The following ATP9A variants were observed in gnomAD, a reference collection of about 807,000 sequenced individuals.
ATP9A encodes probable phospholipid-transporting ATPase IIA.
In ATP9A, 52 loss-of-function variants were observed where a neutral mutation model predicts 144.1. That is an observed-to-expected ratio of 0.36 (90% CI 0.29 to 0.45). The LOEUF (loss-of-function observed/expected upper bound fraction) is 0.45, where lower values mean the gene tolerates loss of function less well. Among genes scored for constraint, ATP9A ranks in the 20% least tolerant of loss-of-function variants. The pLI, the probability that ATP9A is intolerant of heterozygous loss-of-function variation, is 1.00. For missense variants in ATP9A, 947 were observed against 1,392.7 expected, an observed-to-expected ratio of 0.68 and a Z score of 5.09; for synonymous variants, 582 against 557.4, an observed-to-expected ratio of 1.04 and a Z score of -0.62.
rs1030593856 is a variant in ATP9A at position 51,666,678 on chromosome 20, TTA to T, written c.1293+3317_1293+3318del. ...CTGGGCAACAGAGTGAGACTGTGTC[TTA>T]AAAAAAAAAAAAAAAGAAAGAAAGA... On this transcript the variant is annotated intron_variant, in intron 13 of 27. Coordinates refer to ENST00000338821, the MANE Select transcript of ATP9A (RefSeq NM_006045.3). 7.3e-4 allele frequency among the ~76,000 whole-genome samples: 62 copies of T among 84,620 alleles called. 1 individual carries two copies. The East Asian group carries it at 8.8e-3, about 12-fold the overall frequency. The allele number at this position is 84,620 out of a possible 152,430, so 55.5% of individuals were successfully genotyped here.
intron 22 of ATP9A, among the ~76,000 whole-genome samples, chr20:51,616,609 G>A (rs555923890): frequency 1.1e-4 from 16 of 151,674 alleles, no homozygotes; most frequent in African/African-American, 3.6e-4. Context: ...GTGAGCCACC[G>A]CTTCCAGCCC....
rs375822084 is a variant in ATP9A, at chr20:51,737,910, T to C, written c.69-7932A>G. Among the ~76,000 whole-genome samples, 18 of 152,250 alleles carry C rather than the reference T, an allele frequency of 1.2e-4. 2 individuals carry two copies. Among genetic ancestry groups the C allele is most frequent in the Admixed American group, 2.0e-4 (3 of 15,282 alleles). On this transcript the variant is annotated intron_variant, in intron 1 of 27. Transcript: ENST00000338821. ...AGATCTATATCCTATCTATATGCTATACTCTATATCCTAAGTATCTATAAT... is the reference window on the plus strand; with the variant it reads ...AGATCTATATCCTATCTATATGCTACACTCTATATCCTAAGTATCTATAAT...
chr20:51,752,021 C>A (rs1432843314), intron 1 of ATP9A, among the ~76,000 whole-genome samples: 5 of 149,104 alleles, frequency 3.4e-5, no homozygotes, highest in Non-Finnish European at 5.9e-5. Context: ...ACAGAGCCTA[C>A]ATTTTGTAGG....
intron 3 of ATP9A, among the ~76,000 whole-genome samples, chr20:51,720,284 T>C (rs1408719242): frequency 1.3e-5 from 2 of 152,228 alleles, no homozygotes; most frequent in Non-Finnish European, 1.5e-5. Flanking sequence ...TTTATATACA[T>C]TGTAGACCAA....
chr20:51,750,151 G>A (rs570587014), intron 1 of ATP9A, among the ~76,000 whole-genome samples: 5 of 152,156 alleles, frequency 3.3e-5, no homozygotes, highest in African/African-American at 1.2e-4. Context: ...GCAAGACTCC[G>A]TCTCCAAAAT....
chr20:51,643,225 G>A (rs894823325), intron 14 of ATP9A, among the ~76,000 whole-genome samples: 3 of 152,196 alleles, frequency 2.0e-5, no homozygotes, highest in African/African-American at 7.2e-5. Flanking sequence ...GGAAGAAACT[G>A]TCATACTGAC....
At chr20:51,706,763 G>C (rs13040391) in intron 4 of ATP9A, among the ~76,000 whole-genome samples, 8,489 of 152,222 alleles carry the variant, frequency 0.056, 424 homozygotes, top group African/African-American at 0.13. Flanking sequence ...AATAAAGAAC[G>C]AAAAGAAACT....
chr20:51,625,463 A>G, intron 17 of ATP9A, 101 bp from the exon 18 acceptor site: 8 of 1,333,250 alleles, frequency 6.0e-6, no homozygotes, highest in African/African-American at 1.5e-5. Context: ...TCCCCACCAC[A>G]CGGGGTGGGG....
At chr20:51,656,405 T>C (rs1271525631) in intron 14 of ATP9A, among the ~76,000 whole-genome samples, 1 of 151,896 alleles carries the variant, frequency 6.6e-6, no homozygotes, top group African/African-American at 2.4e-5. Flanking sequence ...TACAAAAAAT[T>C]AGCCGGGCAT....
intron 10 of ATP9A, 110 bp downstream of exon 10, chr20:51,676,022 T>C (rs943004774): frequency 1.3e-6 from 1 of 759,560 alleles, no homozygotes; most frequent in African/African-American, 1.8e-5. Flanking sequence ...AAAGATAAAA[T>C]GTCTGTATAA....
At chr20:51,655,603 C>T (rs1472430437) in intron 14 of ATP9A, among the ~76,000 whole-genome samples, 2 of 152,128 alleles carry the variant, frequency 1.3e-5, no homozygotes, top group African/African-American at 2.4e-5. Context: ...CTGACTAGAA[C>T]GTCCAGAATC....
Position 51,600,248 on chromosome 20 carries a change from C to A in ATP9A, c.*963G>T, listed in dbSNP as rs1169105610. ...ACAGGCTTCTATGGAAGAGAAGAGTCCCAGCCCCCTGACCTTTCCGCTTTG... is the reference window on the plus strand; with the variant it reads ...ACAGGCTTCTATGGAAGAGAAGAGTACCAGCCCCCTGACCTTTCCGCTTTG... On this transcript the variant is annotated 3_prime_UTR_variant, in exon 28 of 28. Transcript: ENST00000338821. 1 of 152,226 alleles carries A rather than the reference C, an allele frequency of 6.6e-6. No homozygotes were observed. The highest frequency in any genetic ancestry group is 1.9e-4 in the East Asian group (1 of 5,200). 9.4% of individuals were successfully genotyped at this position (152,226 alleles called of 1,614,324 possible). A position where few individuals can be genotyped will look rare whatever the true frequency, so the allele number is the denominator to read the frequency against.
intron 18 of ATP9A, among the ~76,000 whole-genome samples, chr20:51,623,617 C>T (rs957874243): frequency 6.6e-6 from 1 of 151,928 alleles, no homozygotes; most frequent in African/African-American, 2.4e-5. Context: ...CCCATCTCTA[C>T]TAAATATCTA....
At chr20:51,640,809 C>T (rs1412015575) in intron 14 of ATP9A, among the ~76,000 whole-genome samples, 1 of 152,178 alleles carries the variant, frequency 6.6e-6, no homozygotes, top group Non-Finnish European at 1.5e-5. Flanking sequence ...GAGGCTGCTG[C>T]CACTATACAC....
At chr20:51,723,130 C>A (rs2077696716) in intron 3 of ATP9A, among the ~76,000 whole-genome samples, 1 of 152,072 alleles carries the variant, frequency 6.6e-6, no homozygotes, top group African/African-American at 2.4e-5. Context: ...GACTATTATT[C>A]GAAGTGAAGT....
At chr20:51,706,219 A>C (rs989165938) in intron 4 of ATP9A, among the ~76,000 whole-genome samples, 1 of 152,202 alleles carries the variant, frequency 6.6e-6, no homozygotes, top group African/African-American at 2.4e-5. Context: ...ATTATATGCA[A>C]AAGTGCTGAG....
At chr20:51,643,616 C>T (rs982940025) in intron 14 of ATP9A, among the ~76,000 whole-genome samples, 5 of 152,104 alleles carry the variant, frequency 3.3e-5, no homozygotes, top group African/African-American at 9.7e-5. Flanking sequence ...TCACCAGACA[C>T]CAAATCTGCC....
At chr20:51,741,559 A>G (rs1334628469) in intron 1 of ATP9A, among the ~76,000 whole-genome samples, 2 of 152,180 alleles carry the variant, frequency 1.3e-5, no homozygotes, top group African/African-American at 4.8e-5. Flanking sequence ...CCTGGACAAT[A>G]AGAGCAAAAC....
intron 14 of ATP9A, among the ~76,000 whole-genome samples, chr20:51,648,653 G>C (rs921929031): frequency 6.6e-6 from 1 of 152,150 alleles, no homozygotes; most frequent in Non-Finnish European, 1.5e-5. Context: ...AACATAGCAA[G>C]ACCCCCATTG....
Sources: allele counts gnomAD v4.1 joint callset (sites outside exome capture counted in the v4.1 genomes callset), GRCh38; gene constraint gnomAD v4.1.1; transcripts MANE v1.5; gene names NCBI Gene and HGNC (gene_info 2026-07-23, HGNC 2026-07-21).